Variants in BABAM2 observed in about 807,000 individuals in gnomAD.
The protein encoded by BABAM2 is BRISC and BRCA1-A complex member 2.
Under a neutral mutation model 54.7 loss-of-function variants are expected in BABAM2, and 31 were observed. The ratio of observed to expected loss-of-function variants is 0.57; its 90% CI spans 0.43 to 0.77. BABAM2 has a LOEUF of 0.77. Ranked by LOEUF, BABAM2 falls within the 30% of genes least tolerant of loss-of-function variation. The pLI is 0.00. For missense variants in BABAM2, 364 were observed against 455.8 expected (o/e 0.80, Z 1.83); for synonymous variants, 167 against 162.9 (o/e 1.03, Z -0.19).
intron 6 of BABAM2, among the ~76,000 whole-genome samples, chr2:28,116,792 A>G (rs964968114): frequency 6.6e-6 from 1 of 152,236 alleles, no homozygotes; most frequent in African/African-American, 2.4e-5. Context: ...ACTTCCACGT[A>G]CATTTGCAAA....
At chr2:28,092,086 A>G (rs1666201056) in intron 6 of BABAM2, among the ~76,000 whole-genome samples, 1 of 152,198 alleles carries the variant, frequency 6.6e-6, no homozygotes, top group South Asian at 2.1e-4. Context: ...AGAAAGCTTT[A>G]GAAAAACACT....
chr2:28,225,355 C>G (rs1266254249), intron 7 of BABAM2, among the ~76,000 whole-genome samples: 2 of 152,180 alleles, frequency 1.3e-5, no homozygotes, highest in Non-Finnish European at 2.9e-5. Flanking sequence ...ACGGTTAACA[C>G]CAGCCAGCCC....
At chr2:28,027,234 A>G (rs1402440786) in intron 5 of BABAM2, among the ~76,000 whole-genome samples, 2 of 151,592 alleles carry the variant, frequency 1.3e-5, no homozygotes, top group African/African-American at 4.9e-5. Context: ...AGATATGCAC[A>G]TGGCTAATAC....
At chr2:28,074,004 C>A (rs1031815783) in intron 6 of BABAM2, among the ~76,000 whole-genome samples, 1 of 150,562 alleles carries the variant, frequency 6.6e-6, no homozygotes, top group Admixed American at 6.6e-5. Context: ...TATATTTACA[C>A]ATATATACAC....
chr2:28,088,379 ACTGC>A (rs1665864472), intron 6 of BABAM2, among the ~76,000 whole-genome samples: 1 of 152,194 alleles, frequency 6.6e-6, no homozygotes, highest in Admixed American at 6.5e-5. Flanking sequence ...TAAGGTGGTG[ACTGC>A]CATAGTTCTT....
Position 27,891,250 on chromosome 2 carries a change from G to T in BABAM2, c.-25+408G>T, listed in dbSNP as rs545153795. On this transcript the variant is annotated intron_variant, in intron 1 of 11. Transcript: ENST00000379624. Reference sequence around the variant, plus strand: ...TTGCTTCCCCAGTGTAACTTCCCTCGTGCGCTGTATGACGTCGACGTGACG... The same window carrying T: ...TTGCTTCCCCAGTGTAACTTCCCTCTTGCGCTGTATGACGTCGACGTGACG... Among the ~76,000 whole-genome samples the T allele has an allele frequency of 2.6e-5, 4 of 152,186 alleles. No homozygotes were observed. In the South Asian group the frequency reaches 8.3e-4, roughly 32 times the overall value.
chr2:28,087,410 C>T lies in BABAM2; in HGVS notation c.570+41611C>T, dbSNP rs1279042383. Among the ~76,000 whole-genome samples the T allele has an allele frequency of 2.0e-5, 3 of 152,080 alleles. No homozygotes were observed. The East Asian group carries it at 5.8e-4, about 29-fold the overall frequency. On this transcript the variant is annotated intron_variant, in intron 6 of 11. Transcript: ENST00000379624. ...TAGAGACAGGAGCTCTCAGTGAGTCCTAGGATGTCAGCACTTGCTTACCTG... is the reference window on the plus strand; with the variant it reads ...TAGAGACAGGAGCTCTCAGTGAGTCTTAGGATGTCAGCACTTGCTTACCTG...
intron 10 of BABAM2, among the ~76,000 whole-genome samples, chr2:28,257,029 A>G (rs879410567): frequency 5.3e-5 from 8 of 152,174 alleles, no homozygotes; most frequent in African/African-American, 1.9e-4. Flanking sequence ...ATACATGTCC[A>G]GTATTGTACT....
At chr2:28,102,685 G>A (rs1667189077) in intron 6 of BABAM2, among the ~76,000 whole-genome samples, 1 of 152,140 alleles carries the variant, frequency 6.6e-6, no homozygotes, top group Admixed American at 6.5e-5. Context: ...TTCCACTTTG[G>A]GGTCTTTGAA....
At chr2:28,170,084 G>A (rs1296596055) in intron 7 of BABAM2, among the ~76,000 whole-genome samples, 1 of 151,844 alleles carries the variant, frequency 6.6e-6, no homozygotes, top group Non-Finnish European at 1.5e-5. Context: ...ATTTGTCAGA[G>A]ATTAACAGAA....
At chr2:27,993,796 C>T (rs1049775562) in intron 4 of BABAM2, among the ~76,000 whole-genome samples, 3 of 152,066 alleles carry the variant, frequency 2.0e-5, no homozygotes, top group Non-Finnish European at 2.9e-5. Context: ...GTTCTGCTTG[C>T]GTAGAATGTA....
intron 6 of BABAM2, among the ~76,000 whole-genome samples, chr2:28,101,456 G>A (rs546020991): frequency 1.1e-4 from 16 of 152,272 alleles, no homozygotes; most frequent in African/African-American, 3.6e-4. Flanking sequence ...TCTTGTCACT[G>A]AGATGATGAT....
intron 2 of BABAM2, among the ~76,000 whole-genome samples, chr2:27,917,014 CTTTT>C (rs753765833): frequency 2.2e-5 from 2 of 90,102 alleles, no homozygotes; most frequent in African/African-American, 4.1e-5. Context: ...TCACTCCAAA[CTTTT>C]TTTTTTTTTT....
At chr2:27,985,917 G>A (rs375026538) in intron 3 of BABAM2, among the ~76,000 whole-genome samples, 2 of 152,128 alleles carry the variant, frequency 1.3e-5, no homozygotes, top group Non-Finnish European at 2.9e-5. Flanking sequence ...AGTGAATGGC[G>A]TAATTAGTCA....
chr2:28,103,646 G>A (rs1224224823), intron 6 of BABAM2, among the ~76,000 whole-genome samples: 4 of 152,044 alleles, frequency 2.6e-5, no homozygotes, highest in Non-Finnish European at 4.4e-5. Flanking sequence ...TGTTTTTATC[G>A]AGGAGTCAGT....
intron 1 of BABAM2, among the ~76,000 whole-genome samples, chr2:27,892,953 G>T (rs1372875099): frequency 6.6e-6 from 1 of 152,072 alleles, no homozygotes; most frequent in Admixed American, 6.5e-5. Flanking sequence ...GGGTCAAAGT[G>T]TTCTTATTTT....
chr2:27,967,617 T>G (rs1670920733), intron 3 of BABAM2, among the ~76,000 whole-genome samples: 1 of 152,140 alleles, frequency 6.6e-6, no homozygotes, highest in Non-Finnish European at 1.5e-5. Flanking sequence ...AGGCAGAGAT[T>G]GGAACAGTTT....
In BABAM2 at chr2:28,107,002, C is replaced by G. The variant is rs554379821; in HGVS notation, c.571-22269C>G. ...TTTTTCTCTTTATGCATATTTGTAA[C>G]TTCCTTCTCTGAAAGTGATAAATCT... On this transcript the variant is annotated intron_variant, in intron 6 of 11. Coordinates refer to ENST00000379624, the MANE Select transcript of BABAM2 (RefSeq NM_199191.3). Among the ~76,000 whole-genome samples the G allele has an allele frequency of 2.0e-5, 3 of 152,242 alleles. No individual in the cohort carries two copies. In the East Asian group the frequency reaches 5.8e-4, roughly 29 times the overall value.
intron 7 of BABAM2, among the ~76,000 whole-genome samples, chr2:28,155,139 A>T (rs1558389522): frequency 6.6e-6 from 1 of 152,192 alleles, no homozygotes; most frequent in South Asian, 2.1e-4. Context: ...AGGCAGGCTA[A>T]ATTAAAAGAT....
Sources: allele counts gnomAD v4.1 joint callset (sites outside exome capture counted in the v4.1 genomes callset), GRCh38; gene constraint gnomAD v4.1.1; transcripts MANE v1.5; gene names NCBI Gene and HGNC (gene_info 2026-07-23, HGNC 2026-07-21).